The following PDPR variants were observed in gnomAD, a reference collection of about 807,000 sequenced individuals.
PDPR encodes the protein pyruvate dehydrogenase phosphatase regulatory subunit, also known as pyruvate dehydrogenase phosphatase regulatory subunit, mitochondrial.
A neutral mutation model predicts 102.2 loss-of-function variants in PDPR; 50 were observed. The ratio of observed to expected loss-of-function variants is 0.49; its 90% CI spans 0.39 to 0.62. The LOEUF (loss-of-function observed/expected upper bound fraction) is 0.62. Ranked by LOEUF, PDPR falls within the 20% of genes least tolerant of loss-of-function variation. PDPR has a pLI of 0.00. For missense variants in PDPR, 625 were observed against 1,098.2 expected (o/e 0.57, Z 6.09); for synonymous variants, 259 against 406.0 (o/e 0.64, Z 4.35).
chr16:70,134,382 C>T (rs1288229878), intron 9 of PDPR, among the ~76,000 whole-genome samples: 34 of 152,110 alleles, frequency 2.2e-4, no homozygotes, highest in African/African-American at 5.8e-4. Context: ...CCCACCACAA[C>T]GCAGAGCCAG....
At chr16:70,118,006 T>G (rs1047763362) in intron 2 of PDPR, among the ~76,000 whole-genome samples, 12 of 151,126 alleles carry the variant, frequency 7.9e-5, no homozygotes, top group Non-Finnish European at 1.6e-4. Flanking sequence ...GGCAGGAGAA[T>G]TGCTTGAACC....
Position 70,158,687 on chromosome 16 carries a change from G to A in PDPR, c.*1808G>A, listed in dbSNP as rs1281679695. 2 of 153,188 alleles carry A rather than the reference G, an allele frequency of 1.3e-5. No individual in the cohort carries two copies. Among genetic ancestry groups the A allele is most frequent in the African/African-American group, 2.4e-5 (1 of 41,498 alleles). 9.5% of individuals were successfully genotyped at this position (153,188 alleles called of 1,614,324 possible). A position where few individuals can be genotyped will look rare whatever the true frequency, so the allele number is the denominator to read the frequency against. The stretch of plus-strand genomic sequence containing the variant: ...GAGAGATGCTGCCTCTAGGCAGAGA[G>A]GAGGAGAGGTGTTGCCGGCTGGAGG... On this transcript the variant is annotated 3_prime_UTR_variant, in exon 19 of 19. Coordinates refer to ENST00000288050, the MANE Select transcript of PDPR (RefSeq NM_017990.5).
At chr16:70,142,155 C>A (rs1201424218) in intron 11 of PDPR, 79 bp from the exon 12 acceptor site, 4 of 1,489,252 alleles carry the variant, frequency 2.7e-6, no homozygotes, top group Admixed American at 4.3e-5. Context: ...AGAAACAACT[C>A]CAGAGTCTAG....
intron 2 of PDPR, among the ~76,000 whole-genome samples, chr16:70,118,704 A>G (rs1962906972): frequency 6.6e-6 from 1 of 152,100 alleles, no homozygotes; most frequent in Non-Finnish European, 1.5e-5. Context: ...GCCACGGGAA[A>G]TAAATTGGTC....
chr16:70,133,234 C>T (rs1964729059), intron 9 of PDPR, among the ~76,000 whole-genome samples: 1 of 151,672 alleles, frequency 6.6e-6, no homozygotes, highest in Non-Finnish European at 1.5e-5. Flanking sequence ...CCTGCCTCAG[C>T]CTCCAGAGTA....
At chr16:70,146,321 C>G in intron 16 of PDPR, 93 bp downstream of exon 16, 1 of 1,591,046 alleles carries the variant, frequency 6.3e-7, no homozygotes, top group South Asian at 1.1e-5. Flanking sequence ...GTGTTAGCAC[C>G]CACAAAGAGT....
chr16:70,118,315 G>A (rs1962864744), intron 2 of PDPR, among the ~76,000 whole-genome samples: 1 of 152,262 alleles, frequency 6.6e-6, no homozygotes, highest in South Asian at 2.1e-4. Flanking sequence ...CAGGGAATGA[G>A]ATGAGCCAGG....
intron 2 of PDPR, 29 bp downstream of exon 2, chr16:70,114,959 T>TG (rs968361885): frequency 6.6e-6 from 1 of 152,080 alleles, no homozygotes; most frequent in African/African-American, 2.4e-5. Context: ...GTTTGACCTT[T>TG]GGGGGCCGAT....
At chr16:70,129,576 T>A (rs2152076889) in intron 6 of PDPR, among the ~76,000 whole-genome samples, 1 of 152,402 alleles carries the variant, frequency 6.6e-6, no homozygotes, top group African/African-American at 2.4e-5. Flanking sequence ...CTTGAACTCC[T>A]GACCTCAGAT....
rs1364285418 is a variant in PDPR, at chr16:70,159,657, T to G, written c.*2778T>G. 6.5e-6 allele frequency: 1 copy of G among 152,910 alleles called. No homozygotes were observed. The highest frequency in any genetic ancestry group is 2.4e-5 in the African/African-American group (1 of 41,484). 9.5% of individuals were successfully genotyped at this position (152,910 alleles called of 1,614,324 possible). On this transcript the variant is annotated 3_prime_UTR_variant, in exon 19 of 19. Transcript: ENST00000288050. ...GCATAACTGCTTTGCCTCTGTCTAG[T>G]GTCCAAGCATCTTAGCTGTTCAAGA...
At chr16:70,125,376 A>G (rs1452233459) in intron 3 of PDPR, among the ~76,000 whole-genome samples, 1 of 133,800 alleles carries the variant, frequency 7.5e-6, no homozygotes, top group South Asian at 2.2e-4. Context: ...CTCCGTCTCT[A>G]AAAAAACAAA....
chr16:70,133,500 C>G (rs1490761234), intron 9 of PDPR, among the ~76,000 whole-genome samples: 1 of 150,242 alleles, frequency 6.7e-6, no homozygotes, highest in Non-Finnish European at 1.5e-5. Flanking sequence ...TCACTCCAAC[C>G]TCCACCTCCT....
chr16:70,139,607 C>T (rs1965509912), intron 11 of PDPR, among the ~76,000 whole-genome samples: 1 of 152,260 alleles, frequency 6.6e-6, no homozygotes, highest in Non-Finnish European at 1.5e-5. Flanking sequence ...GTGTTCTCGC[C>T]CTGCTTCAAC....
At chr16:70,162,849 G>A (rs1223948774), downstream of PDPR, among the ~76,000 whole-genome samples, 1 of 152,284 alleles carries the variant, frequency 6.6e-6, no homozygotes, top group East Asian at 1.9e-4. Context: ...AAAGCAAGGG[G>A]GGTCGTGTTC....
At chr16:70,163,355 C>G (rs1428471546), downstream of PDPR, among the ~76,000 whole-genome samples, 1 of 152,224 alleles carries the variant, frequency 6.6e-6, no homozygotes, top group Non-Finnish European at 1.5e-5. Flanking sequence ...CTAAATCAGC[C>G]CCTTCTATTC....
intron 17 of PDPR, among the ~76,000 whole-genome samples, chr16:70,149,132 T>C (rs890359192): frequency 6.6e-6 from 1 of 151,760 alleles, no homozygotes; most frequent in African/African-American, 2.4e-5. Context: ...TGACCTCAGG[T>C]GATACACCCA....
rs1337707422 is a variant in PDPR at position 70,128,787 on chromosome 16, A to G, written c.365A>G (p.Tyr122Cys). The G allele has an allele frequency of 6.2e-7, 1 of 1,613,368 alleles. No homozygotes were observed. Among genetic ancestry groups the G allele is most frequent in the South Asian group, 1.1e-5 (1 of 90,930 alleles). The change falls in exon 5 of 19, where the codon TAC becomes TGC. Residue 122 changes from tyrosine (Y) to cysteine (C), a missense_variant. Tyr to Cys is a radical substitution (Grantham distance 194). Coordinates refer to ENST00000288050, the MANE Select transcript of PDPR (RefSeq NM_017990.5). ...TTTGGGCTCATTTTTCTTACAGGTT[A>G]CACAAGGACAGGCTCAATCTTTCTG... Reference protein sequence around the residue: ...LEQETGIQTGYTRTGSIFLAQ... With the variant: ...LEQETGIQTGCTRTGSIFLAQ...
intron 15 of PDPR, among the ~76,000 whole-genome samples, chr16:70,145,254 C>T (rs1749061798): frequency 6.6e-6 from 1 of 152,248 alleles, no homozygotes; most frequent in Admixed American, 6.5e-5. Flanking sequence ...TCTTCTGCCT[C>T]AGCCTCCCAA....
chr16:70,159,836 A>G lies in PDPR; in HGVS notation c.*2957A>G, dbSNP rs894902061. On this transcript the variant is annotated 3_prime_UTR_variant, in exon 19 of 19. Transcript: ENST00000288050. ...AAATCCAGCAGGAATAAGGAGGGAC[A>G]ACCACAGCCTCCTCATCCATGTGTC... 6.5e-6 allele frequency: 1 copy of G among 152,990 alleles called. No individual in the cohort carries two copies. Among genetic ancestry groups the G allele is most frequent in the Non-Finnish European group, 1.5e-5 (1 of 68,578 alleles). The allele number at this position is 152,990 out of a possible 1,614,324, so 9.5% of individuals were successfully genotyped here.
Sources: gnomAD v4.1 joint callset for allele counts (sites outside exome capture counted in the v4.1 genomes callset) on GRCh38, gnomAD v4.1.1 for gene constraint, MANE v1.5 for transcripts, NCBI Gene and HGNC (gene_info 2026-07-23, HGNC 2026-07-21) for gene names.